Variants in SH2D3C observed in about 807,000 individuals in gnomAD.
The protein encoded by SH2D3C is SH2 domain containing 3C, also known as SH2 domain-containing protein 3C.
SH2D3C carries 25 observed loss-of-function variants against 75.2 expected under a neutral mutation model. That is an observed-to-expected ratio of 0.33 (90% CI 0.24 to 0.46). The LOEUF is 0.46. Ranked by LOEUF, SH2D3C falls within the 20% of genes least tolerant of loss-of-function variation. The probability of loss-of-function intolerance (pLI) is 1.00; values close to 1 mark genes in which losing one functional copy is unlikely to be tolerated. For missense variants in SH2D3C, 933 were observed against 1,165.3 expected (o/e 0.80, Z 2.90); for synonymous variants, 450 against 473.7 (o/e 0.95, Z 0.65).
chr9:127,759,029 G>A (rs931394903), intron 3 of SH2D3C, among the ~76,000 whole-genome samples: 2 of 152,200 alleles, frequency 1.3e-5, no homozygotes, highest in Admixed American at 6.5e-5. Flanking sequence ...GCCCACTCAC[G>A]GCCACGGGCT....
chr9:127,742,921 A>C lies in SH2D3C; in HGVS notation c.1844T>G (p.Met615Arg). 1 of 1,613,994 alleles carries C rather than the reference A, an allele frequency of 6.2e-7. No individual in the cohort carries two copies. Among genetic ancestry groups the C allele is most frequent in the Non-Finnish European group, 8.5e-7 (1 of 1,179,920 alleles). ...CAGTTCCATGCCCCAGCGGACTCCC[A>C]TTAGGGTCTGCATCTCCTTGGTAAC... ...LGVTKEMQTL[M>R]GVRWGMELLT... Residue 615 changes from methionine (M) to arginine (R), a missense_variant, in exon 8 of 12, where the codon ATG becomes AGG. Coordinates refer to ENST00000314830, the MANE Select transcript of SH2D3C (RefSeq NM_170600.3).
At chr9:127,771,300 A>G (rs763229962) in intron 2 of SH2D3C, 33 of 1,503,180 alleles carry the variant, frequency 2.2e-5, no homozygotes, top group Non-Finnish European at 2.9e-5. Context: ...TTCTCGGGCC[A>G]CTGAGCTGCA....
At chr9:127,772,260 G>A (rs886994883) in intron 2 of SH2D3C, among the ~76,000 whole-genome samples, 3 of 44,992 alleles carry the variant, frequency 6.7e-5, no homozygotes, top group Admixed American at 2.9e-4. Context: ...TTTTTTTTTT[G>A]AGTTGGAGTC....
At chr9:127,753,847 C>A (rs919145463) in intron 3 of SH2D3C, among the ~76,000 whole-genome samples, 2 of 152,316 alleles carry the variant, frequency 1.3e-5, no homozygotes, top group Non-Finnish European at 2.9e-5. Flanking sequence ...GGGACGTGGG[C>A]AAAGGAGGGA....
At chr9:127,761,737 C>G in intron 2 of SH2D3C, 87 bp from the exon 3 acceptor site, 2 of 1,162,796 alleles carry the variant, frequency 1.7e-6, no homozygotes, top group Non-Finnish European at 2.5e-6. Flanking sequence ...GGGGCCAGCA[C>G]CTGGCCCTTA....
In SH2D3C at chr9:127,748,784, A is replaced by G. The variant is rs537094467; in HGVS notation, c.1139+427T>C. Among the ~76,000 whole-genome samples, 33 of 152,348 alleles carry G rather than the reference A, an allele frequency of 2.2e-4. No individual in the cohort carries two copies. In the East Asian group the frequency reaches 6.2e-3, roughly 28 times the overall value. ...TCCCATTCCCTGTGCAGTGATTTGC[A>G]TGCTGTAAAGCCCTCTGCTCAGATG... On this transcript the variant is annotated intron_variant, in intron 5 of 11. Transcript: ENST00000314830.
intron 2 of SH2D3C, among the ~76,000 whole-genome samples, chr9:127,767,956 G>A (rs116897660): frequency 0.011 from 1,653 of 152,300 alleles, 15 homozygotes; most frequent in Middle Eastern, 0.031. Context: ...TCCCCTGGGG[G>A]TTTGGGGGGA....
intron 1 of SH2D3C, 38 bp downstream of exon 1, chr9:127,778,553 A>G (rs1564428315): frequency 2.0e-6 from 3 of 1,516,392 alleles, no homozygotes; most frequent in Non-Finnish European, 2.8e-6. Context: ...GAGGAGAGCC[A>G]GGGATGGAGG....
intron 3 of SH2D3C, among the ~76,000 whole-genome samples, chr9:127,755,788 C>A (rs1266135970): frequency 6.6e-6 from 1 of 152,074 alleles, no homozygotes; most frequent in Non-Finnish European, 1.5e-5. Context: ...AGCCTGGATT[C>A]AACTGTCCCC....
At chr9:127,768,487 C>A (rs1845675912) in intron 2 of SH2D3C, among the ~76,000 whole-genome samples, 1 of 151,994 alleles carries the variant, frequency 6.6e-6, no homozygotes, top group South Asian at 2.1e-4. Context: ...AAAAGCGACA[C>A]AGAACAGCAA....
At chr9:127,752,977 G>A (rs953126380) in intron 3 of SH2D3C, among the ~76,000 whole-genome samples, 5 of 152,144 alleles carry the variant, frequency 3.3e-5, no homozygotes, top group Non-Finnish European at 7.3e-5. Context: ...GAGAGGGCAG[G>A]TGGACAGGTG....
chr9:127,763,825 A>G (rs1447348158), intron 2 of SH2D3C, among the ~76,000 whole-genome samples: 1 of 152,176 alleles, frequency 6.6e-6, no homozygotes, highest in Non-Finnish European at 1.5e-5. Flanking sequence ...GTTCTAACAT[A>G]CTAGGGTTCT....
chr9:127,747,083 T>A lies in SH2D3C; in HGVS notation c.1264+64A>T. On this transcript the variant is annotated intron_variant, in intron 6 of 11. Transcript: ENST00000314830. ...AGGCGGAAACACACATAACCACACATAGGTGACAGAAGTCTTCAACAACAG... is the reference window on the plus strand; with the variant it reads ...AGGCGGAAACACACATAACCACACAAAGGTGACAGAAGTCTTCAACAACAG... 1.3e-6 allele frequency: 2 copies of A among 1,554,752 alleles called. 1 individual carries two copies. Among genetic ancestry groups the A allele is most frequent in the South Asian group, 2.3e-5 (2 of 85,196 alleles).
intron 2 of SH2D3C, chr9:127,771,048 C>A: frequency 3.3e-6 from 2 of 603,492 alleles, no homozygotes; most frequent in South Asian, 2.5e-5. Flanking sequence ...AAAGTTACAC[C>A]CAAAGAAAAC....
rs1845282979 is a variant in SH2D3C at position 127,754,132 on chromosome 9, A to T, written c.556-2832T>A. Among the ~76,000 whole-genome samples, 1 of 152,150 alleles carries T rather than the reference A, an allele frequency of 6.6e-6. No homozygotes were observed. The highest frequency in any genetic ancestry group is 1.5e-5 in the Non-Finnish European group (1 of 67,986). ...TAGAGTTGGGGGTGCTGGGGTGCGAATGCAGCATCCCTGCGCTCGGCGCCC... is the reference window on the plus strand; with the variant it reads ...TAGAGTTGGGGGTGCTGGGGTGCGATTGCAGCATCCCTGCGCTCGGCGCCC... On this transcript the variant is annotated intron_variant, in intron 3 of 11. Transcript: ENST00000314830. The surrounding 1 kb of genome is among the most constrained non-coding windows in gnomAD (Gnocchi z 4.4).
Position 127,739,660 on chromosome 9 carries a change from C to T in SH2D3C, c.2407+22G>A, listed in dbSNP as rs1564407866. ...GGGAGGCCCAGGCCTGCAAGCCCCC[C>T]AAGATGCCACCCGCCACTCACCCTG... On this transcript the variant is annotated intron_variant, in intron 11 of 11. Transcript: ENST00000314830. This position sits in a 1 kb window ranked among gnomAD's most constrained non-coding sequence, Gnocchi z 4.3. The T allele has an allele frequency of 6.3e-7, 1 of 1,586,206 alleles. No individual in the cohort carries two copies. The highest frequency in any genetic ancestry group is 1.1e-5 in the South Asian group (1 of 88,800).
chr9:127,741,993 C>T, intron 8 of SH2D3C, 34 bp from the exon 9 acceptor site: 1 of 1,572,924 alleles, frequency 6.4e-7, no homozygotes, highest in Non-Finnish European at 8.6e-7. Context: ...GCGGCGGGCT[C>T]GGGGACAGGG....
At position 127,751,158 on chromosome 9, in the gene SH2D3C, C is replaced by G. The variant is rs776170022; in HGVS notation, c.684+14G>C. 6.2e-7 allele frequency: 1 copy of G among 1,612,776 alleles called. No individual in the cohort carries two copies. Among genetic ancestry groups the G allele is most frequent in the South Asian group, 1.1e-5 (1 of 91,012 alleles). On this transcript the variant is annotated intron_variant, in intron 4 of 11. Transcript: ENST00000314830. The surrounding 1 kb of genome is among the most constrained non-coding windows in gnomAD (Gnocchi z 4.1). ...GAGGGTCCCGGGTTGAAGTCCAGCT[C>G]GGGGCCTACTCACCTCTCGGGGGAT...
At chr9:127,770,384 A>G (rs1037138700) in intron 2 of SH2D3C, among the ~76,000 whole-genome samples, 1 of 152,114 alleles carries the variant, frequency 6.6e-6, no homozygotes, top group Non-Finnish European at 1.5e-5. Context: ...GCTCACTGGC[A>G]TTTCCCAAAT....
Sources: allele counts gnomAD v4.1 joint callset (sites outside exome capture counted in the v4.1 genomes callset), GRCh38; gene constraint gnomAD v4.1.1; non-coding constraint Gnocchi (gnomAD v3.1); transcripts MANE v1.5; gene names NCBI Gene and HGNC (gene_info 2026-07-23, HGNC 2026-07-21).